Variants in TRAF3 observed in about 807,000 individuals in gnomAD.
TRAF3 encodes TNF receptor associated factor 3.
TRAF3 carries 13 observed loss-of-function variants against 62.3 expected under a neutral mutation model. That is an observed-to-expected ratio of 0.21 (90% confidence interval 0.14 to 0.33). The LOEUF (loss-of-function observed/expected upper bound fraction) is 0.33. TRAF3 is among the 10% of genes least tolerant of loss of function. The pLI is 1.00. For synonymous variants in TRAF3, 269 were observed against 283.4 expected, an observed-to-expected ratio of 0.95 and a Z score of 0.51; for missense variants, 440 against 741.8, an observed-to-expected ratio of 0.59 and a Z score of 4.73.
chr14:102,880,312 C>T (rs147041846), intron 6 of TRAF3, among the ~76,000 whole-genome samples: 1 of 152,202 alleles, frequency 6.6e-6, no homozygotes, highest in East Asian at 1.9e-4. Flanking sequence ...GACCCCATCT[C>T]TAGAACGAAA....
chr14:102,876,764 C>A (rs966255815), intron 6 of TRAF3: 4 of 532,538 alleles, frequency 7.5e-6, no homozygotes, highest in Admixed American at 5.8e-5. Flanking sequence ...GTTCCACAGG[C>A]CTTCCGCTCA....
intron 10 of TRAF3, among the ~76,000 whole-genome samples, chr14:102,901,782 G>GTTAATA (rs771280641): frequency 6.6e-6 from 1 of 152,232 alleles, no homozygotes; most frequent in Non-Finnish European, 1.5e-5. Flanking sequence ...TGTCTTTGTG[G>GTTAATA]TTAATAACAG....
chr14:102,903,545 T>G lies in TRAF3; in HGVS notation c.1135+116T>G. 7.0e-7 allele frequency: 1 copy of G among 1,431,680 alleles called. No homozygotes were observed. Among genetic ancestry groups the G allele is most frequent in the Non-Finnish European group, 9.6e-7 (1 of 1,039,346 alleles). 88.7% of individuals were successfully genotyped at this position (1,431,680 alleles called of 1,614,324 possible). ...GTACATGTGCCTTAGGACAGTTTTT[T>G]CTAATTATGGGTAACACGCAGAGGT... On this transcript the variant is annotated intron_variant, in intron 11 of 11. Transcript: ENST00000392745. This position sits in a 1 kb window ranked among gnomAD's most constrained non-coding sequence, Gnocchi z 6.4.
chr14:102,904,539 A>G (rs1164504894), intron 11 of TRAF3, among the ~76,000 whole-genome samples: 1 of 152,092 alleles, frequency 6.6e-6, no homozygotes, highest in Admixed American at 6.5e-5. Context: ...GGCCGGGTGC[A>G]GTGGCTCACG....
At chr14:102,787,298 T>C (rs750603249) in intron 1 of TRAF3, among the ~76,000 whole-genome samples, 1 of 152,240 alleles carries the variant, frequency 6.6e-6, no homozygotes, top group Non-Finnish European at 1.5e-5. Context: ...TCTCCCTTTT[T>C]AAAAAGCAAT....
intron 1 of TRAF3, among the ~76,000 whole-genome samples, chr14:102,794,482 C>G (rs758776894): frequency 4.6e-5 from 7 of 152,240 alleles, no homozygotes; most frequent in Non-Finnish European, 1.0e-4. Context: ...TGTGCCCAGT[C>G]TGGAGCTGCC....
intron 9 of TRAF3, among the ~76,000 whole-genome samples, chr14:102,892,353 C>A (rs1244024709): frequency 1.3e-5 from 2 of 152,306 alleles, no homozygotes; most frequent in East Asian, 3.9e-4. Flanking sequence ...CCACCACGCC[C>A]AGCCTCCATG....
intron 4 of TRAF3, among the ~76,000 whole-genome samples, chr14:102,873,961 TAGAA>T (rs1459118948): frequency 7.2e-5 from 11 of 152,090 alleles, no homozygotes; most frequent in Non-Finnish European, 1.3e-4. Flanking sequence ...ATCGTGTTGT[TAGAA>T]AGAGTGAGAG....
rs1890530274 is a variant in TRAF3 at position 102,905,229 on chromosome 14, G to C, written c.1152G>C (p.Gln384His). The C allele has an allele frequency of 6.2e-7, 1 of 1,613,642 alleles. No homozygotes were observed. The highest frequency in any genetic ancestry group is 8.5e-7 in the Non-Finnish European group (1 of 1,180,054). Residue 384 changes from glutamine to histidine, a missense_variant, in exon 12 of 12, where the codon CAG (glutamine) becomes CAC (histidine). Physicochemically the swap from Gln to His is conservative, Grantham distance 24. Around this residue, in one of 6 missense-constraint regions of TRAF3, gnomAD observed 41 missense variants for 40.0 expected, o/e 1.03. Transcript: ENST00000392745. ...VARNTGLLES[Q>H]LSRHDQMLSV... ...CTGTGGCAGGCCTGCTGGAGTCCCA[G>C]CTGAGCCGGCATGACCAGATGCTGA...
chr14:102,889,648 A>G lies in TRAF3; in HGVS notation c.726+14A>G. 1 of 1,613,978 alleles carries G rather than the reference A, an allele frequency of 6.2e-7. No homozygotes were observed. The highest frequency in any genetic ancestry group is 1.1e-5 in the South Asian group (1 of 91,074). ...TGCGTTTTTCAGGTCAGTATCCGACATTTGTCCTTCCCAGTCACTGACATT... is the reference window on the plus strand; with the variant it reads ...TGCGTTTTTCAGGTCAGTATCCGACGTTTGTCCTTCCCAGTCACTGACATT... On this transcript the variant is annotated intron_variant, in intron 8 of 11. Transcript: ENST00000392745.
At chr14:102,792,113 C>CT (rs35895214) in intron 1 of TRAF3, among the ~76,000 whole-genome samples, 67,129 of 97,594 alleles carry the variant, frequency 0.69, 27,776 homozygotes, top group East Asian at 0.89. Flanking sequence ...TGTGCCTGGA[C>CT]TTTTTTTTTT....
chr14:102,804,565 G>C (rs1437438118), intron 1 of TRAF3, among the ~76,000 whole-genome samples: 1 of 152,062 alleles, frequency 6.6e-6, no homozygotes, highest in Admixed American at 6.5e-5. Context: ...TCAGCTCACA[G>C]GAGCATCAAC....
intron 10 of TRAF3, among the ~76,000 whole-genome samples, chr14:102,898,931 G>T (rs1057043962): frequency 6.6e-6 from 1 of 152,212 alleles, no homozygotes. Flanking sequence ...TGACGGCAGC[G>T]GTCAGTGTCC....
Position 102,880,510 on chromosome 14 carries a change from G to A in TRAF3, c.570+3985G>A, listed in dbSNP as rs537930191. ...AAGGAATGCTTTTACACTGTTGGTGGGAGTGTAAATTAGTTCAACCATTGT... is the reference window on the plus strand; with the variant it reads ...AAGGAATGCTTTTACACTGTTGGTGAGAGTGTAAATTAGTTCAACCATTGT... On this transcript the variant is annotated intron_variant, in intron 6 of 11. Coordinates refer to ENST00000392745, the MANE Select transcript of TRAF3 (RefSeq NM_145725.3). Among the ~76,000 whole-genome samples the A allele has an allele frequency of 3.9e-5, 6 of 152,328 alleles. No homozygotes were observed. The South Asian group carries it at 1.2e-3, about 32-fold the overall frequency.
At chr14:102,837,451 C>A (rs1323356971) in intron 2 of TRAF3, among the ~76,000 whole-genome samples, 1 of 152,072 alleles carries the variant, frequency 6.6e-6, no homozygotes, top group Non-Finnish European at 1.5e-5. Context: ...GGCCTCCAAA[C>A]AATAATTTAA....
intron 1 of TRAF3, among the ~76,000 whole-genome samples, chr14:102,814,816 C>T (rs535383747): frequency 6.6e-6 from 1 of 152,230 alleles, no homozygotes; most frequent in Non-Finnish European, 1.5e-5. Context: ...CACCACTGCA[C>T]CTGGCCTCTT....
intron 2 of TRAF3, among the ~76,000 whole-genome samples, chr14:102,841,863 C>T (rs562833953): frequency 5.9e-5 from 9 of 152,008 alleles, no homozygotes; most frequent in African/African-American, 7.2e-5. Flanking sequence ...CAACATAAAA[C>T]GTAGAGAAAA....
In TRAF3 at chr14:102,786,816, C is replaced by G. The variant is rs1044654839; in HGVS notation, c.-157+9141C>G. Among the ~76,000 whole-genome samples the G allele has an allele frequency of 3.9e-5, 6 of 152,122 alleles. No homozygotes were observed. The East Asian group carries it at 1.2e-3, about 29-fold the overall frequency. ...CCTGGGCAACATAGTGTTATAAGACCTTGTCTCTACAAAAAATTTAAAAAT... is the reference window on the plus strand; with the variant it reads ...CCTGGGCAACATAGTGTTATAAGACGTTGTCTCTACAAAAAATTTAAAAAT... On this transcript the variant is annotated intron_variant, in intron 1 of 11. Transcript: ENST00000392745.
At chr14:102,779,387 G>A (rs1897179637) in intron 1 of TRAF3, among the ~76,000 whole-genome samples, 1 of 148,928 alleles carries the variant, frequency 6.7e-6, no homozygotes. Flanking sequence ...TAATAAGATG[G>A]CTTCACTCAG....
Sources: gnomAD v4.1 joint callset for allele counts (sites outside exome capture counted in the v4.1 genomes callset) on GRCh38, gnomAD v4.1.1 for gene constraint, gnomAD v4.1.1 regional missense constraint, Gnocchi (gnomAD v3.1) non-coding constraint, MANE v1.5 for transcripts, NCBI Gene and HGNC (gene_info 2026-07-23, HGNC 2026-07-21) for gene names.